The following FSTL4 variants were observed in gnomAD, a reference collection of about 807,000 sequenced individuals.
FSTL4 encodes follistatin like 4.
In FSTL4, 28 loss-of-function variants were observed where a neutral mutation model predicts 78.2. The observed-to-expected ratio is 0.36, with a 90% confidence interval of 0.27 to 0.49. FSTL4 has a LOEUF of 0.49. Among genes scored for constraint, FSTL4 ranks in the 20% least tolerant of loss-of-function variants. The pLI is 0.98. For synonymous variants in FSTL4, 422 were observed against 440.5 expected, an observed-to-expected ratio of 0.96 and a Z score of 0.53; for missense variants, 922 against 1,084.9, an observed-to-expected ratio of 0.85 and a Z score of 2.11.
At chr5:133,558,327 G>C (rs1039546010) in intron 3 of FSTL4, among the ~76,000 whole-genome samples, 1 of 152,206 alleles carries the variant, frequency 6.6e-6, no homozygotes, top group African/African-American at 2.4e-5. Flanking sequence ...CACTGATGAG[G>C]TGAGAGAGCC....
chr5:133,517,902 C>A (rs774138269), intron 3 of FSTL4, among the ~76,000 whole-genome samples: 10 of 152,280 alleles, frequency 6.6e-5, no homozygotes, highest in Non-Finnish European at 1.2e-4. Context: ...TCTACTAAGA[C>A]CTTCCACTGA....
At chr5:133,238,502 C>T (rs1402213894) in intron 7 of FSTL4, among the ~76,000 whole-genome samples, 1 of 152,244 alleles carries the variant, frequency 6.6e-6, no homozygotes, top group Non-Finnish European at 1.5e-5. Flanking sequence ...GGCCCTTATC[C>T]AGACCAAGCC....
chr5:133,809,029 A>C, the FSTL4 span, among the ~76,000 whole-genome samples: 1 of 152,070 alleles, frequency 6.6e-6, no homozygotes, highest in Non-Finnish European at 1.5e-5. Context: ...CTTGAGTATA[A>C]GAGCCAGAGA....
At chr5:133,680,950 A>G in the FSTL4 span, among the ~76,000 whole-genome samples, 1 of 152,130 alleles carries the variant, frequency 6.6e-6, no homozygotes, top group African/African-American at 2.4e-5. Flanking sequence ...CTGAACCCAG[A>G]CCTGTGGGAT....
chr5:133,568,016 A>G (rs1760065683), intron 2 of FSTL4, among the ~76,000 whole-genome samples: 1 of 152,176 alleles, frequency 6.6e-6, no homozygotes, highest in Non-Finnish European at 1.5e-5. Flanking sequence ...TTTTAAAAGA[A>G]CCTTTGAAAA....
intron 4 of FSTL4, among the ~76,000 whole-genome samples, chr5:133,377,951 T>C (rs572350739): frequency 6.6e-6 from 1 of 152,254 alleles, no homozygotes; most frequent in African/African-American, 2.4e-5. Context: ...AGCTGACTTT[T>C]TGTCAGAAGC....
intron 3 of FSTL4, among the ~76,000 whole-genome samples, chr5:133,515,010 A>T (rs1183717261): frequency 2.0e-5 from 3 of 152,352 alleles, no homozygotes; most frequent in South Asian, 4.1e-4. Flanking sequence ...TGAAAATGTA[A>T]CATTAATATA....
intron 3 of FSTL4, among the ~76,000 whole-genome samples, chr5:133,501,380 C>T (rs1489895719): frequency 6.6e-6 from 1 of 152,120 alleles, no homozygotes; most frequent in Non-Finnish European, 1.5e-5. Context: ...GTGTCTTGTA[C>T]CAAATATCGT....
chr5:133,558,782 G>T (rs1056780482), intron 3 of FSTL4, among the ~76,000 whole-genome samples: 1 of 152,148 alleles, frequency 6.6e-6, no homozygotes, highest in African/African-American at 2.4e-5. Flanking sequence ...TGCCTGATCT[G>T]CCAAGACACT....
chr5:133,520,056 C>T (rs539324884), intron 3 of FSTL4, among the ~76,000 whole-genome samples: 11 of 152,258 alleles, frequency 7.2e-5, no homozygotes, highest in African/African-American at 1.9e-4. Context: ...GGTGGGTTTC[C>T]GTATTTCTTT....
chr5:133,668,222 C>G, the FSTL4 span, among the ~76,000 whole-genome samples: 9 of 152,154 alleles, frequency 5.9e-5, no homozygotes, highest in Non-Finnish European at 1.0e-4. Context: ...GCACAATTCT[C>G]TCATATCAGG....
upstream of FSTL4, among the ~76,000 whole-genome samples, chr5:133,616,106 T>C (rs1761193510): frequency 1.3e-5 from 2 of 152,254 alleles, no homozygotes; most frequent in South Asian, 4.2e-4. Context: ...TTACAAGGGA[T>C]AATTGGGGAT....
At chr5:133,797,489 CTG>C in the FSTL4 span, among the ~76,000 whole-genome samples, 1 of 152,206 alleles carries the variant, frequency 6.6e-6, no homozygotes, top group Non-Finnish European at 1.5e-5. Context: ...TCTGTTCCAT[CTG>C]TCTTAGGATC....
chr5:133,515,160 G>A (rs1234621587), intron 3 of FSTL4, among the ~76,000 whole-genome samples: 1 of 152,214 alleles, frequency 6.6e-6, no homozygotes, highest in African/African-American at 2.4e-5. Context: ...TTGTCAGCAT[G>A]TTTTAGAAAG....
intron 7 of FSTL4, among the ~76,000 whole-genome samples, chr5:133,245,979 A>G (rs564249110): frequency 2.4e-4 from 36 of 152,330 alleles, no homozygotes; most frequent in African/African-American, 8.4e-4. Flanking sequence ...AAGACAAATT[A>G]ATATTTTGTT....
chr5:133,727,943 T>C, the FSTL4 span, among the ~76,000 whole-genome samples: 2 of 151,962 alleles, frequency 1.3e-5, no homozygotes, highest in Non-Finnish European at 2.9e-5. Context: ...GGAAAAAGGA[T>C]GGAAAGAGAG....
the FSTL4 span, among the ~76,000 whole-genome samples, chr5:133,663,855 C>T: frequency 2.6e-5 from 4 of 152,276 alleles, no homozygotes; most frequent in South Asian, 2.1e-4. Context: ...GGAGGCCATC[C>T]GGGAGGTGAG....
chr5:133,335,607 G>C (rs1754447066), intron 4 of FSTL4, among the ~76,000 whole-genome samples: 1 of 151,224 alleles, frequency 6.6e-6, no homozygotes, highest in Admixed American at 6.6e-5. Context: ...CCCCTAAACT[G>C]TCCCCTGGGG....
At chr5:133,723,718 T>C in the FSTL4 span, among the ~76,000 whole-genome samples, 1 of 152,012 alleles carries the variant, frequency 6.6e-6, no homozygotes, top group African/African-American at 2.4e-5. Flanking sequence ...CCCCAGGGAG[T>C]GTGGCTACAT....
Sources: gnomAD v4.1 joint callset for allele counts (sites outside exome capture counted in the v4.1 genomes callset) on GRCh38, gnomAD v4.1.1 for gene constraint, MANE v1.5 for transcripts, NCBI Gene and HGNC (gene_info 2026-07-23, HGNC 2026-07-21) for gene names.